DAB2IP: variants seen among roughly 807,000 people sequenced by gnomAD.
The protein encoded by DAB2IP is disabled homolog 2-interacting protein.
Under a neutral mutation model 107.2 loss-of-function variants are expected in DAB2IP, and 28 were observed. That is an observed-to-expected ratio of 0.26 (90% CI 0.19 to 0.36). DAB2IP has a LOEUF of 0.36. DAB2IP is among the 10% of genes least tolerant of loss of function. DAB2IP has a pLI of 1.00. For synonymous variants in DAB2IP, 755 were observed against 706.4 expected (o/e 1.07, Z -1.09); for missense variants, 1,400 against 1,644.7 (o/e 0.85, Z 2.57).
At chr9:121,753,227 A>G (rs1833250081) in intron 3 of DAB2IP, 1 of 152,222 alleles carries the variant, frequency 6.6e-6, no homozygotes, top group Non-Finnish European at 1.5e-5. Context: ...TGTAAGAAGT[A>G]GCTCAGACCT....
chr9:121,735,637 C>G lies in DAB2IP; in HGVS notation c.363-21376C>G, dbSNP rs1831844535. Among the ~76,000 whole-genome samples the G allele has an allele frequency of 3.3e-5, 5 of 152,160 alleles. No individual in the cohort carries two copies. The South Asian group carries it at 1.0e-3, about 32-fold the overall frequency. ...TATTTACATCGGGAGGCTGTGCAGC[C>G]TCGGGTTCCTGGCCTCAGCTGGATT... On this transcript the variant is annotated intron_variant, in intron 3 of 15. Coordinates refer to ENST00000408936, the Ensembl canonical transcript of DAB2IP.
intron 1 of DAB2IP, among the ~76,000 whole-genome samples, chr9:121,609,802 A>G (rs2118972561): frequency 6.6e-6 from 1 of 152,344 alleles, no homozygotes. Context: ...CTTGGCTGCA[A>G]CATCACCCAC....
chr9:121,675,816 T>A (rs1833878791), intron 1 of DAB2IP, among the ~76,000 whole-genome samples: 1 of 152,088 alleles, frequency 6.6e-6, no homozygotes, highest in African/African-American at 2.4e-5. Flanking sequence ...GGAGGTGGCA[T>A]GTGCTGTCAC....
intron 1 of DAB2IP, among the ~76,000 whole-genome samples, chr9:121,612,801 G>A (rs1345731545): frequency 7.9e-5 from 12 of 152,298 alleles, no homozygotes; most frequent in Admixed American, 7.8e-4. Context: ...TTTCCCAGAG[G>A]AAGAAAGGCT....
Position 121,699,595 on chromosome 9 carries a change from T to C in DAB2IP, c.362+137T>C. 1 of 771,976 alleles carries C rather than the reference T, an allele frequency of 1.3e-6. No individual in the cohort carries two copies. The highest frequency in any genetic ancestry group is 6.0e-5 in the South Asian group (1 of 16,804). 47.8% of individuals were successfully genotyped at this position (771,976 alleles called of 1,614,324 possible). ...GGACCCCACGCCGCCCGCCGGGAAC[T>C]TATGGGGCCACCTCGGCCGGACTAG... On this transcript the variant is annotated intron_variant, in intron 3 of 15. Transcript: ENST00000408936. This position sits in a 1 kb window ranked among gnomAD's most constrained non-coding sequence, Gnocchi z 6.2.
chr9:121,584,304 G>T (rs1830268559), intron 1 of DAB2IP, among the ~76,000 whole-genome samples: 2 of 152,054 alleles, frequency 1.3e-5, no homozygotes, highest in Admixed American at 1.3e-4. Context: ...TCATTTAAAT[G>T]ACGGTTCTGG....
chr9:121,568,666 G>C (rs1564676116), intron 1 of DAB2IP, among the ~76,000 whole-genome samples: 1 of 152,202 alleles, frequency 6.6e-6, no homozygotes, highest in Non-Finnish European at 1.5e-5. Flanking sequence ...CCTGCCTCCA[G>C]AGCTGTTCAC....
In DAB2IP at chr9:121,571,911, C is replaced by T. The variant is rs77078309; in HGVS notation, c.40+4683C>T. Among the ~76,000 whole-genome samples the T allele has an allele frequency of 1.6e-3, 242 of 152,132 alleles. 8 individuals are homozygous for T. The East Asian group carries it at 0.039, about 25-fold the overall frequency. On this transcript the variant is annotated intron_variant, in intron 1 of 16. Coordinates refer to the DAB2IP transcript ENST00000259371. ...GGAAGGTGAGGAGAAGGGGAGAGCT[C>T]GGAAACTCGGCACTAACCCCTGCAG...
exon 16 of DAB2IP, chr9:121,783,484 C>T (rs745564880): frequency 3.2e-5 from 52 of 1,613,892 alleles, no homozygotes; most frequent in South Asian, 1.8e-4. Flanking sequence ...AAGATTCTAA[C>T]GCCTGCAGGC....
Position 121,689,976 on chromosome 9 carries a change from C to T in DAB2IP, c.229-9349C>T, listed in dbSNP as rs138017166. Among the ~76,000 whole-genome samples, 550 of 152,322 alleles carry T rather than the reference C, an allele frequency of 3.6e-3. 4 individuals carry two copies. Among genetic ancestry groups the T allele is most frequent in the African/African-American group, 0.012 (517 of 41,582 alleles). On this transcript the variant is annotated intron_variant, in intron 2 of 15. Transcript: ENST00000408936. ...TCTGCTGTGTTGAACCCAGCTCTGC[C>T]GCTTCCTGACCGTGCGGTGCTGTGC...
At chr9:121,679,412 G>GTACA (rs200812530) in intron 2 of DAB2IP, among the ~76,000 whole-genome samples, 3 of 101,192 alleles carry the variant, frequency 3.0e-5, no homozygotes, top group African/African-American at 1.3e-4. Flanking sequence ...ATTTGTGCAT[G>GTACA]TACACACACA....
intron 1 of DAB2IP, among the ~76,000 whole-genome samples, chr9:121,671,371 T>A (rs981396342): frequency 1.3e-5 from 2 of 152,154 alleles, no homozygotes; most frequent in African/African-American, 4.8e-5. Context: ...ATCATTAGAT[T>A]ATTCTCACCT....
At chr9:121,774,099 C>G (rs1027185219) in intron 12 of DAB2IP, among the ~76,000 whole-genome samples, 161 bp from the exon 13 acceptor site, 2 of 152,196 alleles carry the variant, frequency 1.3e-5, no homozygotes, top group African/African-American at 2.4e-5. Flanking sequence ...AGAGACAGTT[C>G]CCGGGTGGGG....
chr9:121,597,170 T>C (rs1830548379), intron 1 of DAB2IP, among the ~76,000 whole-genome samples: 2 of 152,252 alleles, frequency 1.3e-5, no homozygotes, highest in Non-Finnish European at 2.9e-5. Context: ...TTTAATTAAA[T>C]GTATTGATGT....
intron 1 of DAB2IP, among the ~76,000 whole-genome samples, chr9:121,640,263 C>T (rs1832234355): frequency 6.6e-6 from 1 of 152,052 alleles, no homozygotes; most frequent in South Asian, 2.1e-4. Context: ...TGGGCCTGGG[C>T]TGGGTAGTGC....
At chr9:121,677,077 C>A (rs1374953228) in intron 1 of DAB2IP, among the ~76,000 whole-genome samples, 1 of 152,216 alleles carries the variant, frequency 6.6e-6, no homozygotes, top group Non-Finnish European at 1.5e-5. Context: ...TGCCCTGAGC[C>A]CCTCCTTGTG....
chr9:121,722,506 T>G (rs914263229), intron 3 of DAB2IP, among the ~76,000 whole-genome samples: 8 of 152,178 alleles, frequency 5.3e-5, no homozygotes, highest in Admixed American at 3.9e-4. Flanking sequence ...AAATGGTCCT[T>G]CAGATTGTCC....
chr9:121,656,670 T>C (rs2119076405), intron 1 of DAB2IP, among the ~76,000 whole-genome samples: 1 of 152,300 alleles, frequency 6.6e-6, no homozygotes, highest in Admixed American at 6.5e-5. Context: ...TTGTTACGGC[T>C]CCTGTGTGCT....
chr9:121,614,933 C>T (rs1006444328), intron 1 of DAB2IP, among the ~76,000 whole-genome samples: 5 of 151,632 alleles, frequency 3.3e-5, no homozygotes, highest in Non-Finnish European at 5.9e-5. Flanking sequence ...AGGGTTTCGT[C>T]CTGTTGGCCA....
Sources: allele counts gnomAD v4.1 joint callset (sites outside exome capture counted in the v4.1 genomes callset), GRCh38; gene constraint gnomAD v4.1.1; non-coding constraint Gnocchi (gnomAD v3.1); transcripts MANE v1.5; gene names NCBI Gene and HGNC (gene_info 2026-07-23, HGNC 2026-07-21).